Variants in COMMD1 observed in about 807,000 individuals in gnomAD.
The protein encoded by COMMD1 is copper metabolism domain containing 1.
A neutral mutation model predicts 17.2 loss-of-function variants in COMMD1; 10 were observed. That is an observed-to-expected ratio of 0.58 (90% CI 0.36 to 0.99). The LOEUF is 0.99. Among genes scored for constraint, COMMD1 ranks in the 50% least tolerant of loss-of-function variants. COMMD1 has a pLI of 0.01. For missense variants in COMMD1, 270 were observed against 231.8 expected (o/e 1.17, Z -1.07); for synonymous variants, 97 against 91.6 (o/e 1.06, Z -0.34).
At chr2:61,897,299 T>C (rs1023782681) in intron 1 of COMMD1, among the ~76,000 whole-genome samples, 5 of 152,226 alleles carry the variant, frequency 3.3e-5, no homozygotes, top group African/African-American at 4.8e-5. Context: ...TAGCATATAA[T>C]CATATGGCTC....
intron 2 of COMMD1, among the ~76,000 whole-genome samples, chr2:62,005,110 A>G (rs1325268043): frequency 6.6e-6 from 1 of 152,242 alleles, no homozygotes; most frequent in Non-Finnish European, 1.5e-5. Context: ...CCAATTACAT[A>G]AGAATCTGTG....
intron 2 of COMMD1, among the ~76,000 whole-genome samples, chr2:62,123,265 G>A (rs974100052): frequency 1.3e-5 from 2 of 152,078 alleles, no homozygotes; most frequent in Non-Finnish European, 2.9e-5. Flanking sequence ...CAGCACTTTG[G>A]GAGGCTGAGG....
Position 61,906,135 on chromosome 2 carries a change from A to G in COMMD1, c.180+277A>G, listed in dbSNP as rs1025030053. On this transcript the variant is annotated intron_variant, in intron 1 of 2. Coordinates refer to ENST00000311832, the MANE Select transcript of COMMD1 (RefSeq NM_152516.4). ...CTTCAAGACATTTCTGTCTCTTGGT[A>G]ACAGTCGCGTTTCCTCAGCAGATCT... Among the ~76,000 whole-genome samples, 3 of 152,298 alleles carry G rather than the reference A, an allele frequency of 2.0e-5. No homozygotes were observed. In the South Asian group the frequency reaches 6.2e-4, roughly 32 times the overall value.
intron 2 of COMMD1, among the ~76,000 whole-genome samples, chr2:62,057,949 A>G (rs1670755390): frequency 6.6e-6 from 1 of 151,978 alleles, no homozygotes; most frequent in Non-Finnish European, 1.5e-5. Flanking sequence ...TTTTTTTCCA[A>G]ACCCTGCATG....
intron 1 of COMMD1, chr2:61,915,702 G>A (rs964080953): frequency 1.5e-5 from 7 of 453,006 alleles, no homozygotes; most frequent in African/African-American, 4.0e-5. Context: ...TCCCCATATC[G>A]TCCAGGGTGG....
chr2:62,106,611 C>G (rs1415427404), intron 2 of COMMD1, among the ~76,000 whole-genome samples: 2 of 152,208 alleles, frequency 1.3e-5, no homozygotes, highest in Non-Finnish European at 2.9e-5. Context: ...GAGCTTCACT[C>G]AGACAGAGAT....
chr2:61,941,866 A>G (rs1006315523), intron 1 of COMMD1, among the ~76,000 whole-genome samples: 1 of 152,216 alleles, frequency 6.6e-6, no homozygotes, highest in Non-Finnish European at 1.5e-5. Flanking sequence ...GAAACAGAAC[A>G]GTTCCTTTAC....
intron 2 of COMMD1, among the ~76,000 whole-genome samples, chr2:62,077,980 A>T (rs774751629): frequency 3.9e-5 from 6 of 152,246 alleles, no homozygotes; most frequent in Middle Eastern, 3.4e-3. Context: ...CTGGGTTAAG[A>T]TAAAGAATTG....
intron 1 of COMMD1, among the ~76,000 whole-genome samples, chr2:61,991,040 G>C (rs1210534545): frequency 6.6e-6 from 1 of 151,808 alleles, no homozygotes; most frequent in Admixed American, 6.6e-5. Context: ...GTAGTGAGCC[G>C]TGATTGTGCC....
chr2:61,939,973 T>C (rs1670701172), intron 1 of COMMD1, among the ~76,000 whole-genome samples: 1 of 152,206 alleles, frequency 6.6e-6, no homozygotes, highest in African/African-American at 2.4e-5. Flanking sequence ...GTAAACCATT[T>C]TAATTTTATC....
intron 1 of COMMD1, among the ~76,000 whole-genome samples, chr2:61,971,463 C>T (rs1418019724): frequency 6.6e-6 from 1 of 152,056 alleles, no homozygotes; most frequent in Non-Finnish European, 1.5e-5. Context: ...GGAATGTGAG[C>T]TGGTACTGAT....
intron 1 of COMMD1, among the ~76,000 whole-genome samples, chr2:61,952,946 C>T (rs954520078): frequency 6.6e-6 from 1 of 152,174 alleles, no homozygotes; most frequent in Non-Finnish European, 1.5e-5. Context: ...ATTTTGTGCT[C>T]CTACTAACAG....
At chr2:62,076,961 G>C (rs2103970915) in intron 2 of COMMD1, among the ~76,000 whole-genome samples, 2 of 152,102 alleles carry the variant, frequency 1.3e-5, no homozygotes, top group South Asian at 4.2e-4. Context: ...GCGAGACCCT[G>C]TCTCCATAAA....
At chr2:61,902,030 A>G (rs534442909), upstream of COMMD1, among the ~76,000 whole-genome samples, 1 of 151,782 alleles carries the variant, frequency 6.6e-6, no homozygotes, top group Non-Finnish European at 1.5e-5. Context: ...ATGAAGTTTC[A>G]CCATGTTGGC....
At chr2:61,943,918 C>A (rs1327599999) in intron 1 of COMMD1, among the ~76,000 whole-genome samples, 2 of 152,126 alleles carry the variant, frequency 1.3e-5, no homozygotes, top group African/African-American at 4.8e-5. Context: ...CTAATTTTCT[C>A]GAGAGTTCCC....
At chr2:62,065,718 ATGT>A (rs1056506399) in intron 2 of COMMD1, among the ~76,000 whole-genome samples, 3 of 152,196 alleles carry the variant, frequency 2.0e-5, no homozygotes, top group African/African-American at 7.2e-5. Context: ...TGAAGGTATG[ATGT>A]TTATTATAAT....
rs953668365 is a variant in COMMD1, at chr2:61,957,087, C to T, written c.181-43614C>T. 1.2e-4 allele frequency among the ~76,000 whole-genome samples: 18 copies of T among 146,902 alleles called. No homozygotes were observed. The East Asian group carries it at 1.8e-3, about 15-fold the overall frequency. ...AGTTTTAATTGAAGGAAGATGGATGCGTGTGTGTGTGTGTGTGTGTGTGTG... is the reference window on the plus strand; with the variant it reads ...AGTTTTAATTGAAGGAAGATGGATGTGTGTGTGTGTGTGTGTGTGTGTGTG... On this transcript the variant is annotated intron_variant, in intron 1 of 2. Coordinates refer to ENST00000311832, the MANE Select transcript of COMMD1 (RefSeq NM_152516.4).
At chr2:62,117,061 A>G (rs147924945) in intron 2 of COMMD1, among the ~76,000 whole-genome samples, 59 of 151,846 alleles carry the variant, frequency 3.9e-4, no homozygotes, top group African/African-American at 1.3e-3. Context: ...GATGGTAATA[A>G]GTAGCTATAT....
intron 1 of COMMD1, among the ~76,000 whole-genome samples, chr2:61,994,277 C>T (rs1210750962): frequency 6.6e-6 from 1 of 152,284 alleles, no homozygotes; most frequent in Non-Finnish European, 1.5e-5. Flanking sequence ...TGAGCCACCA[C>T]GCCCAGCCTG....
Sources: gnomAD v4.1 joint callset for allele counts (sites outside exome capture counted in the v4.1 genomes callset) on GRCh38, gnomAD v4.1.1 for gene constraint, MANE v1.5 for transcripts, NCBI Gene and HGNC (gene_info 2026-07-23, HGNC 2026-07-21) for gene names.